The following MAGI1 variants were observed in gnomAD, a reference collection of about 807,000 sequenced individuals.
The protein encoded by MAGI1 is membrane associated guanylate kinase, WW and PDZ domain containing 1.
MAGI1 carries 58 observed loss-of-function variants against 139.9 expected under a neutral mutation model. The ratio of observed to expected loss-of-function variants is 0.41; its 90% CI spans 0.34 to 0.52. The LOEUF is 0.52. Ranked by LOEUF, MAGI1 falls within the 20% of genes least tolerant of loss-of-function variation. The pLI, the probability that MAGI1 is intolerant of heterozygous loss-of-function variation, is 0.12. For missense variants in MAGI1, 1,874 were observed against 1,901.6 expected, an observed-to-expected ratio of 0.99 and a Z score of 0.27; for synonymous variants, 812 against 737.9, an observed-to-expected ratio of 1.10 and a Z score of -1.63.
intron 1 of MAGI1, among the ~76,000 whole-genome samples, chr3:65,977,157 C>T (rs548218573): frequency 4.5e-4 from 69 of 152,224 alleles, no homozygotes; most frequent in African/African-American, 1.5e-3. Flanking sequence ...GTGCTTTAGG[C>T]ATCTCAACAT....
chr3:65,523,037 C>A (rs1343607538), intron 2 of MAGI1, among the ~76,000 whole-genome samples: 1 of 151,990 alleles, frequency 6.6e-6, no homozygotes, highest in Non-Finnish European at 1.5e-5. Context: ...TTAGAATATC[C>A]CACTCTCCAT....
intron 2 of MAGI1, among the ~76,000 whole-genome samples, chr3:65,607,947 G>T (rs1443913429): frequency 1.3e-5 from 2 of 152,130 alleles, no homozygotes; most frequent in Non-Finnish European, 2.9e-5. Flanking sequence ...TTAAGAATAG[G>T]TTTAAAAAAA....
chr3:65,815,225 G>A (rs1008803472), intron 1 of MAGI1, among the ~76,000 whole-genome samples: 23 of 152,342 alleles, frequency 1.5e-4, no homozygotes, highest in African/African-American at 5.1e-4. Flanking sequence ...TGGGGCCCAT[G>A]ATCTGGGAAT....
chr3:65,566,146 C>T (rs548065957), intron 2 of MAGI1, among the ~76,000 whole-genome samples: 5 of 151,696 alleles, frequency 3.3e-5, no homozygotes, highest in East Asian at 2.0e-4. Context: ...CCCAGCTACT[C>T]GGGAGGCTGA....
intron 4 of MAGI1, among the ~76,000 whole-genome samples, chr3:65,477,711 A>ATTTTT (rs60679864): frequency 5.4e-4 from 76 of 141,610 alleles, no homozygotes; most frequent in African/African-American, 1.9e-3. Context: ...TATTATTATT[A>ATTTTT]TTTTTTTTTT....
chr3:65,753,377 C>CA (rs915110185), intron 1 of MAGI1, among the ~76,000 whole-genome samples: 3 of 152,072 alleles, frequency 2.0e-5, no homozygotes, highest in Admixed American at 2.0e-4. Context: ...GAATCTTCAC[C>CA]AAAAACACCT....
intron 1 of MAGI1, among the ~76,000 whole-genome samples, chr3:65,832,838 T>C (rs2042599495): frequency 6.6e-6 from 1 of 152,188 alleles, no homozygotes; most frequent in Non-Finnish European, 1.5e-5. Flanking sequence ...TGGATACTAT[T>C]TTGTTTTCAA....
At chr3:65,872,216 A>G (rs1431889830) in intron 1 of MAGI1, among the ~76,000 whole-genome samples, 2 of 152,224 alleles carry the variant, frequency 1.3e-5, no homozygotes, top group Non-Finnish European at 2.9e-5. Context: ...GCAATGCTTC[A>G]TATACTGCTC....
At chr3:65,837,311 A>G (rs1429094886) in intron 1 of MAGI1, among the ~76,000 whole-genome samples, 2 of 152,066 alleles carry the variant, frequency 1.3e-5, no homozygotes, top group African/African-American at 4.8e-5. Context: ...TGTCTGAACA[A>G]CCCCACAGAT....
intron 1 of MAGI1, among the ~76,000 whole-genome samples, chr3:65,955,248 G>A (rs1244089581): frequency 6.6e-6 from 1 of 152,168 alleles, no homozygotes; most frequent in Non-Finnish European, 1.5e-5. Context: ...GCTGACGCCT[G>A]TAATCCCAAA....
At chr3:66,035,776 G>T (rs2068883682) in intron 1 of MAGI1, among the ~76,000 whole-genome samples, 1 of 152,148 alleles carries the variant, frequency 6.6e-6, no homozygotes, top group Non-Finnish European at 1.5e-5. Context: ...GGGGTGAAGA[G>T]AGCTAACACC....
At chr3:65,722,560 G>C (rs1013380680) in intron 1 of MAGI1, among the ~76,000 whole-genome samples, 1 of 152,148 alleles carries the variant, frequency 6.6e-6, no homozygotes, top group Non-Finnish European at 1.5e-5. Context: ...TTGAGCCCAA[G>C]AGCTGGAGGC....
At chr3:65,573,280 G>A (rs1007128230) in intron 2 of MAGI1, among the ~76,000 whole-genome samples, 2 of 151,552 alleles carry the variant, frequency 1.3e-5, no homozygotes, top group East Asian at 1.9e-4. Context: ...TATTTCACAG[G>A]AACAAAGATG....
At chr3:65,360,816 T>C in intron 22 of MAGI1, 1 of 1,065,238 alleles carries the variant, frequency 9.4e-7, no homozygotes, top group Non-Finnish European at 1.1e-6. Flanking sequence ...CCTCAACATA[T>C]CACTCAGGAA....
At chr3:65,675,368 C>A (rs1237095101) in intron 1 of MAGI1, among the ~76,000 whole-genome samples, 1 of 152,090 alleles carries the variant, frequency 6.6e-6, no homozygotes. Context: ...CTGCAGTCAT[C>A]AATCTCAAAG....
chr3:65,848,142 A>C (rs1268098014), intron 1 of MAGI1, among the ~76,000 whole-genome samples: 2 of 152,204 alleles, frequency 1.3e-5, no homozygotes, highest in Non-Finnish European at 2.9e-5. Flanking sequence ...AAAAAGAAGA[A>C]GTCAGAAGCA....
chr3:65,608,460 G>A (rs1195344734), intron 2 of MAGI1, among the ~76,000 whole-genome samples: 1 of 151,712 alleles, frequency 6.6e-6, no homozygotes, highest in African/African-American at 2.4e-5. Context: ...ACAAAAAACG[G>A]ACAAATGGAA....
At chr3:65,780,823 CAGA>C (rs1388010305) in intron 1 of MAGI1, among the ~76,000 whole-genome samples, 1 of 152,132 alleles carries the variant, frequency 6.6e-6, no homozygotes, top group East Asian at 1.9e-4. Flanking sequence ...CCACATGGGG[CAGA>C]AGAAGGGATT....
intron 1 of MAGI1, among the ~76,000 whole-genome samples, chr3:65,979,600 T>C (rs2065460402): frequency 6.6e-6 from 1 of 152,194 alleles, no homozygotes; most frequent in African/African-American, 2.4e-5. Flanking sequence ...AAGAAATGAA[T>C]ATCCTTTCTC....
Sources: allele counts gnomAD v4.1 joint callset (sites outside exome capture counted in the v4.1 genomes callset), GRCh38; gene constraint gnomAD v4.1.1; transcripts MANE v1.5; gene names NCBI Gene and HGNC (gene_info 2026-07-23, HGNC 2026-07-21).